PUDP: variants seen among roughly 807,000 people sequenced by gnomAD.
PUDP encodes the protein pseudouridine 5'-phosphatase.
A neutral mutation model predicts 9.4 loss-of-function variants in PUDP; 8 were observed. That is an observed-to-expected ratio of 0.85 (90% CI 0.50 to 1.53). The LOEUF is 1.53. Among genes scored for constraint, PUDP ranks in the 40% most tolerant of loss-of-function variants. The pLI, the probability that PUDP is intolerant of heterozygous loss-of-function variation, is 0.00. For missense variants in PUDP, 188 were observed against 189.7 expected, an observed-to-expected ratio of 0.99 and a Z score of 0.05; for synonymous variants, 99 against 80.7, an observed-to-expected ratio of 1.23 and a Z score of -1.22.
At chrX:6,834,303 T>C (rs1301122447) in intron 3 of PUDP, among the ~76,000 whole-genome samples, 2 of 111,979 alleles carry the variant, frequency 1.8e-5, no homozygotes, top group African/African-American at 3.2e-5. Flanking sequence ...CTGACTTTAT[T>C]GCTTTCTTCA....
chrX:7,053,316 T>A (rs1569146629), intron 3 of PUDP, among the ~76,000 whole-genome samples: 1 of 111,501 alleles, frequency 9.0e-6, no homozygotes, highest in East Asian at 2.8e-4. Context: ...CCCAAAGAGA[T>A]AATGGAAGGC....
intron 1 of PUDP, among the ~76,000 whole-genome samples, chrX:6,984,641 T>C (rs1929081113): frequency 9.0e-6 from 1 of 111,535 alleles, no homozygotes; most frequent in Admixed American, 9.6e-5. Context: ...ACCCTCCTGG[T>C]ACATTAATTA....
chrX:6,963,465 C>T (rs968444436), intron 3 of PUDP, among the ~76,000 whole-genome samples: 24 of 111,649 alleles, frequency 2.1e-4, no homozygotes, highest in African/African-American at 6.5e-4. Context: ...CACTCTAACT[C>T]CAGGCAGACA....
At chrX:6,777,327 C>T (rs1465124403) in intron 3 of PUDP, among the ~76,000 whole-genome samples, 1 of 111,605 alleles carries the variant, frequency 9.0e-6, no homozygotes, top group Non-Finnish European at 1.9e-5. Flanking sequence ...TTGTAACTGC[C>T]GAGCACAATA....
In PUDP at chrX:6,748,775, A is replaced by C. The variant is rs541291669; in HGVS notation, c.*248-42309T>G. 3.6e-4 allele frequency among the ~76,000 whole-genome samples: 40 copies of C among 111,915 alleles called. 1 individual carries two copies. The South Asian group carries it at 4.8e-3, about 13-fold the overall frequency. On this transcript the variant is annotated intron_variant and NMD_transcript_variant, in intron 3 of 3. Coordinates refer to the PUDP transcript ENST00000655425. The stretch of plus-strand genomic sequence containing the variant: ...AGTAGTAAATTCTGAAAGTAGAATA[A>C]GTAGGAAGTGAAAAAGTTGTGACAG...
chrX:6,713,579 T>A (rs1430984401), intron 1 of PUDP, among the ~76,000 whole-genome samples: 1 of 112,362 alleles, frequency 8.9e-6, no homozygotes, highest in African/African-American at 3.2e-5. Context: ...GTGTATTAAA[T>A]ACATTTTCAA....
intron 1 of PUDP, among the ~76,000 whole-genome samples, chrX:7,030,312 G>A (rs1929775576): frequency 9.0e-6 from 1 of 111,041 alleles, no homozygotes; most frequent in East Asian, 2.9e-4. Context: ...GCCCCATGGT[G>A]TGCTAGATCC....
At chrX:7,016,075 A>G (rs1280814756) in intron 1 of PUDP, among the ~76,000 whole-genome samples, 1 of 109,089 alleles carries the variant, frequency 9.2e-6, no homozygotes, top group Non-Finnish European at 1.9e-5. Context: ...AAGCTCTGAG[A>G]GAAAGTTTTG....
At chrX:6,710,942 G>A (rs1924524407) in intron 1 of PUDP, among the ~76,000 whole-genome samples, 1 of 111,621 alleles carries the variant, frequency 9.0e-6, no homozygotes, top group Non-Finnish European at 1.9e-5. Flanking sequence ...ATCAATTGAA[G>A]ACTGGGTTCC....
At chrX:7,119,231 T>A (rs1362972239) in intron 1 of PUDP, among the ~76,000 whole-genome samples, 2 of 112,657 alleles carry the variant, frequency 1.8e-5, no homozygotes, top group Non-Finnish European at 3.7e-5. Context: ...TGATGAGAAG[T>A]GCAATCATCT....
At chrX:7,053,906 G>A (rs1930167869) in intron 3 of PUDP, among the ~76,000 whole-genome samples, 2 of 111,873 alleles carry the variant, frequency 1.8e-5, no homozygotes, top group Admixed American at 9.5e-5. Flanking sequence ...CCTTTTTACT[G>A]TTTCTCATGG....
intron 3 of PUDP, among the ~76,000 whole-genome samples, chrX:6,755,715 C>T (rs1351721349): frequency 9.0e-6 from 1 of 110,781 alleles, no homozygotes; most frequent in Non-Finnish European, 1.9e-5. Flanking sequence ...GTATATGGAG[C>T]ATCTGTGTAG....
At chrX:6,964,887 T>G (rs748609045) in intron 3 of PUDP, among the ~76,000 whole-genome samples, 9 of 111,352 alleles carry the variant, frequency 8.1e-5, no homozygotes, top group African/African-American at 2.6e-4. Flanking sequence ...CCTAAGTTTT[T>G]TCCCCCTCCT....
chrX:6,784,057 T>C (rs1413031497), intron 3 of PUDP, among the ~76,000 whole-genome samples: 1 of 111,728 alleles, frequency 9.0e-6, no homozygotes, highest in Non-Finnish European at 1.9e-5. Context: ...CTGATTTAAA[T>C]GCTAATCTCT....
At chrX:6,889,403 AG>A (rs1927479952) in intron 3 of PUDP, among the ~76,000 whole-genome samples, 1 of 111,699 alleles carries the variant, frequency 9.0e-6, no homozygotes, top group Admixed American at 9.5e-5. Context: ...CCTGGGCTCA[AG>A]CCATCCTCCC....
chrX:6,931,434 C>T (rs1050569002), intron 3 of PUDP, among the ~76,000 whole-genome samples: 11 of 111,860 alleles, frequency 9.8e-5, no homozygotes, highest in African/African-American at 2.9e-4. Flanking sequence ...CCTTGCCCTT[C>T]TAAAGCACTG....
chrX:6,763,738 T>A lies in PUDP; in HGVS notation c.*248-57272A>T, dbSNP rs888069751. 2.7e-5 allele frequency among the ~76,000 whole-genome samples: 3 copies of A among 112,092 alleles called. No individual in the cohort carries two copies. In the East Asian group the frequency reaches 8.4e-4, roughly 31 times the overall value. On this transcript the variant is annotated intron_variant and NMD_transcript_variant, in intron 3 of 3. Coordinates refer to the PUDP transcript ENST00000655425. ...TTCTTGACCTAAATTGTGGTTGACA[T>A]CTGTGAATATTTTTCTAAGTAATTA...
chrX:6,890,954 A>T (rs1484341799), intron 3 of PUDP, among the ~76,000 whole-genome samples: 1 of 101,212 alleles, frequency 9.9e-6, no homozygotes, highest in African/African-American at 3.7e-5. Flanking sequence ...AAAAAAAAAA[A>T]AAAAAAAAAA....
At chrX:7,135,255 G>A (rs149761338) in intron 1 of PUDP, among the ~76,000 whole-genome samples, 3,105 of 112,111 alleles carry the variant, frequency 0.028, 41 homozygotes, top group East Asian at 0.14. Flanking sequence ...AGGCTACTTA[G>A]GAGCATTTTC....
Sources: gnomAD v4.1 joint callset for allele counts (sites outside exome capture counted in the v4.1 genomes callset) on GRCh38, gnomAD v4.1.1 for gene constraint, MANE v1.5 for transcripts, NCBI Gene and HGNC (gene_info 2026-07-23, HGNC 2026-07-21) for gene names.